Variants in ESRRG observed in about 807,000 individuals in gnomAD.
ESRRG encodes the protein estrogen-related receptor gamma.
A neutral mutation model predicts 44.0 loss-of-function variants in ESRRG; 13 were observed. The ratio of observed to expected loss-of-function variants is 0.30; its 90% CI spans 0.19 to 0.47. The LOEUF (loss-of-function observed/expected upper bound fraction) is 0.47, where lower values mean the gene tolerates loss of function less well. Ranked by LOEUF, ESRRG falls within the 20% of genes least tolerant of loss-of-function variation. The pLI, the probability that ESRRG is intolerant of heterozygous loss-of-function variation, is 1.00. For missense variants in ESRRG, 395 were observed against 580.6 expected (o/e 0.68, Z 3.29); for synonymous variants, 215 against 214.6 (o/e 1.00, Z -0.02).
intron 2 of ESRRG, among the ~76,000 whole-genome samples, chr1:216,771,653 C>T (rs1021834372): frequency 3.9e-5 from 6 of 152,000 alleles, no homozygotes; most frequent in East Asian, 1.9e-4. Flanking sequence ...TTATGTACTG[C>T]AAGAACAATT....
intron 1 of ESRRG, among the ~76,000 whole-genome samples, chr1:217,087,151 A>G (rs1250011150): frequency 6.6e-6 from 1 of 152,150 alleles, no homozygotes; most frequent in East Asian, 1.9e-4. Flanking sequence ...TAAGCCCATT[A>G]CCTCTGGCGG....
At chr1:216,944,497 A>G (rs906172461) in intron 1 of ESRRG, among the ~76,000 whole-genome samples, 3 of 152,186 alleles carry the variant, frequency 2.0e-5, no homozygotes, top group Admixed American at 2.0e-4. Flanking sequence ...CATTCATTCA[A>G]AGTCAGAATA....
At chr1:216,761,175 T>A (rs12126811) in intron 2 of ESRRG, among the ~76,000 whole-genome samples, 9,865 of 147,710 alleles carry the variant, frequency 0.067, 402 homozygotes, top group Admixed American at 0.11. Flanking sequence ...AAAAAAAAAA[T>A]TTTCTTGTTC....
chr1:216,811,779 T>G (rs1468865206), intron 2 of ESRRG, among the ~76,000 whole-genome samples: 3 of 152,192 alleles, frequency 2.0e-5, no homozygotes, highest in Non-Finnish European at 4.4e-5. Context: ...TACAGTACCA[T>G]TGATTTTTAC....
intron 1 of ESRRG, chr1:217,078,294 T>C (rs1243529145): frequency 6.6e-6 from 1 of 152,248 alleles, no homozygotes; most frequent in Non-Finnish European, 1.5e-5. Flanking sequence ...GAAGAGGAGA[T>C]CTTGGAAAGT....
intron 1 of ESRRG, among the ~76,000 whole-genome samples, chr1:217,080,235 AT>A (rs2091636398): frequency 6.6e-6 from 1 of 152,182 alleles, no homozygotes; most frequent in South Asian, 2.1e-4. Flanking sequence ...ATTACTTTAT[AT>A]TCTCAAACAG....
chr1:216,912,210 G>A (rs1449487126), intron 2 of ESRRG, among the ~76,000 whole-genome samples: 1 of 20,194 alleles, frequency 5.0e-5, no homozygotes, highest in African/African-American at 2.2e-4. Context: ...GGAGAGGAGA[G>A]GAGAGGAGAG....
chr1:217,050,713 C>T (rs1446454836), intron 1 of ESRRG, among the ~76,000 whole-genome samples: 2 of 152,136 alleles, frequency 1.3e-5, no homozygotes, highest in Non-Finnish European at 2.9e-5. Context: ...TTAGCCACTG[C>T]CTTTTCCTCA....
chr1:216,619,079 G>T (rs1046145187), intron 3 of ESRRG, among the ~76,000 whole-genome samples: 12 of 152,180 alleles, frequency 7.9e-5, no homozygotes, highest in African/African-American at 2.9e-4. Context: ...ACCAACATAT[G>T]CATTCTTAGC....
At position 216,969,788 on chromosome 1, in the gene ESRRG, T is replaced by C. The variant is rs2071259402; in HGVS notation, c.-105-30115A>G. Among the ~76,000 whole-genome samples, 4 of 152,298 alleles carry C rather than the reference T, an allele frequency of 2.6e-5. No homozygotes were observed. In the South Asian group the frequency reaches 8.3e-4, roughly 32 times the overall value. ...TTAGTAGAGACAGGGTTTCTCCATG[T>C]TGGTCAGACTGGTCTCAAACTCCTG... On this transcript the variant is annotated intron_variant, in intron 1 of 7. Coordinates refer to the ESRRG transcript ENST00000359162.
Position 217,007,390 on chromosome 1 carries a change from A to G in ESRRG, c.-105-67717T>C, listed in dbSNP as rs201825535. Among the ~76,000 whole-genome samples the G allele has an allele frequency of 5.4e-3, 805 of 147,998 alleles. 11 individuals are homozygous for G. Among genetic ancestry groups the G allele is most frequent in the African/African-American group, 0.02 (790 of 39,212 alleles). ...TTTTAGTCTCTTCTTCCAAAGGGGG[A>G]AAAGGGGAAGGAAAGAAACACTAAG... is the stretch of plus-strand genomic sequence containing the variant. On this transcript the variant is annotated intron_variant, in intron 1 of 7. Coordinates refer to the ESRRG transcript ENST00000359162.
chr1:216,795,805 T>C (rs940499491), intron 2 of ESRRG, among the ~76,000 whole-genome samples: 1 of 152,158 alleles, frequency 6.6e-6, no homozygotes, highest in African/African-American at 2.4e-5. Flanking sequence ...CAGAAATACA[T>C]TCTCCATCTT....
intron 3 of ESRRG, among the ~76,000 whole-genome samples, chr1:216,569,190 G>GGGAAGGAAAA (rs1553356429): frequency 5.0e-4 from 27 of 53,838 alleles, no homozygotes; most frequent in African/African-American, 3.2e-3. Flanking sequence ...GGGAAGGGAA[G>GGGAAGGAAAA]GGAAAGGAAA....
At chr1:216,800,829 A>G (rs1048558933) in intron 2 of ESRRG, among the ~76,000 whole-genome samples, 2 of 152,172 alleles carry the variant, frequency 1.3e-5, no homozygotes, top group African/African-American at 4.8e-5. Flanking sequence ...CCATGAGTTT[A>G]TAAAGTCCTG....
At chr1:216,573,011 G>C (rs1451938612) in intron 3 of ESRRG, among the ~76,000 whole-genome samples, 1 of 151,816 alleles carries the variant, frequency 6.6e-6, no homozygotes, top group Non-Finnish European at 1.5e-5. Flanking sequence ...TACCAAATAA[G>C]ATTATTTTTA....
chr1:216,971,173 T>G (rs746691670), intron 1 of ESRRG, among the ~76,000 whole-genome samples: 8 of 152,086 alleles, frequency 5.3e-5, no homozygotes, highest in Non-Finnish European at 1.2e-4. Context: ...GAAAAAAAAA[T>G]ATGTTCTCTC....
At chr1:216,911,529 G>T (rs892762483) in intron 2 of ESRRG, among the ~76,000 whole-genome samples, 1 of 152,136 alleles carries the variant, frequency 6.6e-6, no homozygotes, top group Non-Finnish European at 1.5e-5. Flanking sequence ...ACATGTCATT[G>T]TACATTTTTC....
intron 2 of ESRRG, among the ~76,000 whole-genome samples, chr1:216,889,364 T>C (rs1261722448): frequency 6.6e-6 from 1 of 152,138 alleles, no homozygotes; most frequent in African/African-American, 2.4e-5. Context: ...TGCAGCAGGC[T>C]TTTTTGCAGA....
At chr1:216,815,845 G>A (rs973812114) in intron 2 of ESRRG, among the ~76,000 whole-genome samples, 2 of 152,164 alleles carry the variant, frequency 1.3e-5, no homozygotes, top group Non-Finnish European at 2.9e-5. Flanking sequence ...GCTCTTAAAT[G>A]CCTGCCTAGG....
Sources: gnomAD v4.1 joint callset for allele counts (sites outside exome capture counted in the v4.1 genomes callset) on GRCh38, gnomAD v4.1.1 for gene constraint, MANE v1.5 for transcripts, NCBI Gene and HGNC (gene_info 2026-07-23, HGNC 2026-07-21) for gene names.